The following SGPP2 variants were observed in gnomAD, a reference collection of about 807,000 sequenced individuals.
The protein encoded by SGPP2 is sphingosine 1-phosphate phosphohydrolase 2.
Under a neutral mutation model 33.9 loss-of-function variants are expected in SGPP2, and 30 were observed. That is an observed-to-expected ratio of 0.89 (90% CI 0.66 to 1.20). SGPP2 has a LOEUF of 1.20. SGPP2 is among the 50% of genes most tolerant of loss of function. SGPP2 has a pLI of 0.00. For missense variants in SGPP2, 458 were observed against 532.1 expected, an observed-to-expected ratio of 0.86 and a Z score of 1.37; for synonymous variants, 233 against 225.0, an observed-to-expected ratio of 1.04 and a Z score of -0.32.
chr2:222,446,428 TC>T (rs1373014838), intron 1 of SGPP2, among the ~76,000 whole-genome samples: 1 of 152,232 alleles, frequency 6.6e-6, no homozygotes, highest in Non-Finnish European at 1.5e-5. Context: ...AAACAGTCGA[TC>T]CGAGTACCCA....
rs1689550972 is a variant in SGPP2, at chr2:222,562,004, G to A, written c.*3106G>A. 6.6e-6 allele frequency among the ~76,000 whole-genome samples: 1 copy of A among 152,102 alleles called. No individual in the cohort carries two copies. Among genetic ancestry groups the A allele is most frequent in the African/African-American group, 2.4e-5 (1 of 41,406 alleles). ...AAGACATTTGGAGTTTCTCTCTGGG[G>A]AAAGAGAGCCCCCTACTGGTTTGGC... On this transcript the variant is annotated 3_prime_UTR_variant, in exon 5 of 5. Transcript: ENST00000321276.
intron 1 of SGPP2, among the ~76,000 whole-genome samples, chr2:222,439,364 T>C (rs1394499022): frequency 6.6e-6 from 1 of 152,158 alleles, no homozygotes; most frequent in Non-Finnish European, 1.5e-5. Flanking sequence ...GCCGTGATTT[T>C]CTACTAAAAA....
intron 3 of SGPP2, 35 bp from the exon 4 acceptor site, chr2:222,524,909 A>T (rs766615398): frequency 9.9e-6 from 15 of 1,520,906 alleles, no homozygotes; most frequent in Non-Finnish European, 1.4e-5. Context: ...TCTGAGTGTG[A>T]TCTAATTCCC....
At chr2:222,463,425 A>T (rs1697695404) in intron 1 of SGPP2, among the ~76,000 whole-genome samples, 1 of 152,164 alleles carries the variant, frequency 6.6e-6, no homozygotes, top group Non-Finnish European at 1.5e-5. Flanking sequence ...TCAAGAACAT[A>T]GTAAGGCCCT....
At chr2:222,458,610 C>A (rs76197566) in intron 1 of SGPP2, among the ~76,000 whole-genome samples, 1 of 152,156 alleles carries the variant, frequency 6.6e-6, no homozygotes, top group East Asian at 1.9e-4. Flanking sequence ...CCGAGGCTTC[C>A]GAGTGCTTTT....
chr2:222,524,015 G>C (rs1001348738), intron 3 of SGPP2, among the ~76,000 whole-genome samples: 4 of 152,222 alleles, frequency 2.6e-5, no homozygotes, highest in African/African-American at 9.6e-5. Context: ...CTTACCAGCT[G>C]TGTGACCTCA....
chr2:222,476,306 G>T lies in SGPP2; in HGVS notation c.378+1580G>T, dbSNP rs1697931455. 6.6e-6 allele frequency among the ~76,000 whole-genome samples: 1 copy of T among 152,148 alleles called. No individual in the cohort carries two copies. The highest frequency in any genetic ancestry group is 1.5e-5 in the Non-Finnish European group (1 of 68,022). On this transcript the variant is annotated intron_variant, in intron 2 of 4. Coordinates refer to ENST00000321276, the MANE Select transcript of SGPP2 (RefSeq NM_152386.4). This position sits in a 1 kb window ranked among gnomAD's most constrained non-coding sequence, Gnocchi z 4.3. ...ATAAAGCAGCAATGTCCTGGGCCAG[G>T]GTGAGGGGTGGCAAGGGCGGGGTAT...
chr2:222,459,712 C>T (rs978849615), intron 1 of SGPP2, among the ~76,000 whole-genome samples: 1 of 152,096 alleles, frequency 6.6e-6, no homozygotes, highest in Non-Finnish European at 1.5e-5. Context: ...GAACCTCTAT[C>T]TACCATTCTG....
At chr2:222,473,662 C>G (rs140390242) in intron 1 of SGPP2, among the ~76,000 whole-genome samples, 11 of 152,168 alleles carry the variant, frequency 7.2e-5, no homozygotes, top group Non-Finnish European at 1.5e-4. Flanking sequence ...CGGTGGCTCA[C>G]GCCCGTAATC....
At chr2:222,461,785 C>T (rs1697664452) in intron 1 of SGPP2, among the ~76,000 whole-genome samples, 1 of 152,140 alleles carries the variant, frequency 6.6e-6, no homozygotes, top group Non-Finnish European at 1.5e-5. Flanking sequence ...ACTCACCCTC[C>T]ACTCATCTCC....
intron 2 of SGPP2, among the ~76,000 whole-genome samples, chr2:222,511,325 C>T (rs1221641824): frequency 6.6e-6 from 1 of 152,192 alleles, no homozygotes; most frequent in Non-Finnish European, 1.5e-5. Context: ...CTATATATTA[C>T]ATTTATCCTG....
chr2:222,491,919 C>T (rs1399131761), intron 2 of SGPP2, among the ~76,000 whole-genome samples: 1 of 152,152 alleles, frequency 6.6e-6, no homozygotes, highest in African/African-American at 2.4e-5. Flanking sequence ...ACATTCATTC[C>T]AAATGGGAGA....
chr2:222,481,189 CAT>C (rs1158655822), intron 2 of SGPP2, among the ~76,000 whole-genome samples: 17 of 152,138 alleles, frequency 1.1e-4, no homozygotes, highest in African/African-American at 1.4e-4. Context: ...CAAAATGGCA[CAT>C]GTCTACCTAT....
At chr2:222,511,923 C>T (rs2106125957) in intron 2 of SGPP2, among the ~76,000 whole-genome samples, 1 of 152,290 alleles carries the variant, frequency 6.6e-6, no homozygotes, top group Admixed American at 6.5e-5. Flanking sequence ...AGTGATCCAC[C>T]TTCCTTGGCC....
Position 222,481,737 on chromosome 2 carries a change from T to G in SGPP2, c.378+7011T>G, listed in dbSNP as rs1698033763. ...GTGTAGTTTCCCTGCATAAAAGAGC[T>G]TACTGTGGGGGGTGACCAGCCCTTA... On this transcript the variant is annotated intron_variant, in intron 2 of 4. Coordinates refer to ENST00000321276, the MANE Select transcript of SGPP2 (RefSeq NM_152386.4). 2.0e-5 allele frequency among the ~76,000 whole-genome samples: 3 copies of G among 152,122 alleles called. No individual in the cohort carries two copies. In the South Asian group the frequency reaches 6.2e-4, roughly 32 times the overall value.
rs1689468640 is a variant in SGPP2, at chr2:222,558,807, A to T, written c.1109A>T (p.Glu370Val). ...GAGGCCAGGCGGAGACTGGAGATTG[A>T]AGTGCCTTACAAGTTTGTTACCTAC... is the stretch of plus-strand genomic sequence containing the variant. ...NKEARRRLEI[E>V]VPYKFVTYTS... The change falls in exon 5 of 5, where the codon GAA (glutamate) becomes GTA (valine). Residue 370 changes from glutamate to valine, a missense_variant. By Grantham distance (121) the Glu-to-Val change is moderately radical (BLOSUM62 -2). Coordinates refer to ENST00000321276, the MANE Select transcript of SGPP2 (RefSeq NM_152386.4). 1 of 1,614,148 alleles carries T rather than the reference A, an allele frequency of 6.2e-7. No homozygotes were observed. The highest frequency in any genetic ancestry group is 2.2e-5 in the East Asian group (1 of 44,888).
At chr2:222,519,752 TG>T (rs1698655726) in intron 2 of SGPP2, among the ~76,000 whole-genome samples, 1 of 152,214 alleles carries the variant, frequency 6.6e-6, no homozygotes. Context: ...TAGTTATAAG[TG>T]AGAACATGTG....
At chr2:222,551,942 T>G (rs1176549148) in intron 4 of SGPP2, among the ~76,000 whole-genome samples, 1 of 152,188 alleles carries the variant, frequency 6.6e-6, no homozygotes, top group East Asian at 1.9e-4. Context: ...ACCTCCCACT[T>G]TTGAGTGACA....
chr2:222,441,456 T>C (rs770660745), intron 1 of SGPP2, among the ~76,000 whole-genome samples: 3 of 152,246 alleles, frequency 2.0e-5, no homozygotes, highest in Non-Finnish European at 2.9e-5. Context: ...ACATTCATGA[T>C]CTATTGTTCA....
Sources: allele counts gnomAD v4.1 joint callset (sites outside exome capture counted in the v4.1 genomes callset), GRCh38; gene constraint gnomAD v4.1.1; non-coding constraint Gnocchi (gnomAD v3.1); transcripts MANE v1.5; gene names NCBI Gene and HGNC (gene_info 2026-07-23, HGNC 2026-07-21).